RIPOR2: variants seen among roughly 807,000 people sequenced by gnomAD.
The protein encoded by RIPOR2 is rho family-interacting cell polarization regulator 2.
In RIPOR2, 39 loss-of-function variants were observed where a neutral mutation model predicts 114.5. That is an observed-to-expected ratio of 0.34 (90% CI 0.26 to 0.44). The LOEUF (loss-of-function observed/expected upper bound fraction) is 0.44. RIPOR2 is among the 20% of genes least tolerant of loss of function. RIPOR2 has a pLI of 1.00. For missense variants in RIPOR2, 1,007 were observed against 1,255.1 expected, an observed-to-expected ratio of 0.80 and a Z score of 2.99; for synonymous variants, 445 against 484.4, an observed-to-expected ratio of 0.92 and a Z score of 1.07.
chr6:24,979,625 C>T (rs1774214322), intron 1 of RIPOR2, among the ~76,000 whole-genome samples: 1 of 152,138 alleles, frequency 6.6e-6, no homozygotes, highest in Non-Finnish European at 1.5e-5. Context: ...GAAGGAAAGG[C>T]CAGCTCTCAC....
intron 8 of RIPOR2, among the ~76,000 whole-genome samples, chr6:24,857,154 C>T (rs558531688): frequency 1.3e-5 from 2 of 152,236 alleles, no homozygotes; most frequent in East Asian, 3.9e-4. Context: ...TGGTACTGGC[C>T]ACGGAATTAG....
At chr6:24,923,093 A>T (rs1165369238) in intron 1 of RIPOR2, among the ~76,000 whole-genome samples, 1 of 152,004 alleles carries the variant, frequency 6.6e-6, no homozygotes, top group Admixed American at 6.6e-5. Flanking sequence ...TATAAATTTG[A>T]TTACTCTTGG....
intron 19 of RIPOR2, among the ~76,000 whole-genome samples, chr6:24,821,487 T>C (rs2113651256): frequency 6.6e-6 from 1 of 152,346 alleles, no homozygotes; most frequent in South Asian, 2.1e-4. Flanking sequence ...CCCAGCTCTG[T>C]GGCTTAACAC....
chr6:24,937,144 T>C (rs547435257), upstream of RIPOR2, among the ~76,000 whole-genome samples: 3 of 152,322 alleles, frequency 2.0e-5, no homozygotes, highest in South Asian at 6.2e-4. Flanking sequence ...CATCCCTGCA[T>C]TGGTGGCTGC....
intron 1 of RIPOR2, among the ~76,000 whole-genome samples, chr6:24,912,467 CTTT>C (rs67861863): frequency 1.1e-4 from 12 of 110,268 alleles, no homozygotes; most frequent in African/African-American, 3.9e-4. Flanking sequence ...TGCCCCCCCC[CTTT>C]TTTTTTTGCC....
chr6:24,833,968 C>A (rs955689367), intron 15 of RIPOR2, among the ~76,000 whole-genome samples: 2 of 152,012 alleles, frequency 1.3e-5, no homozygotes, highest in African/African-American at 4.8e-5. Context: ...AAAAGAGAAA[C>A]AAGTGGTTTG....
rs993692422 is a variant in RIPOR2 at position 25,023,854 on chromosome 6, G to T, written c.76+17997C>A. On this transcript the variant is annotated intron_variant, in intron 1 of 13. Coordinates refer to the RIPOR2 transcript ENST00000510784. ...GTCAGGGGTGTTGGGGGCTTTGACC[G>T]GTTCCTAGGTCTTCGTGTAGAGACC... 29 of 730,448 alleles carry T rather than the reference G, an allele frequency of 4.0e-5. No homozygotes were observed. In the Admixed American group the frequency reaches 4.3e-4, roughly 11 times the overall value. The allele number at this position is 730,448 out of a possible 1,614,324, so 45.2% of individuals were successfully genotyped here. A position where few individuals can be genotyped will look rare whatever the true frequency, so the allele number is the denominator to read the frequency against.
intron 17 of RIPOR2, among the ~76,000 whole-genome samples, chr6:24,828,624 C>G (rs376562548): frequency 6.6e-6 from 1 of 152,106 alleles, no homozygotes; most frequent in Admixed American, 6.6e-5. Context: ...ATATGGAAGA[C>G]GGCCTGCATT....
intron 17 of RIPOR2, among the ~76,000 whole-genome samples, 172 bp downstream of exon 17, chr6:24,830,337 T>C (rs1184544312): frequency 1.3e-5 from 2 of 152,198 alleles, no homozygotes; most frequent in Non-Finnish European, 2.9e-5. Context: ...TTTTCTTAAA[T>C]CTGAGTAGAT....
At chr6:24,817,665 T>C (rs1490030673) in intron 20 of RIPOR2, among the ~76,000 whole-genome samples, 1 of 14,602 alleles carries the variant, frequency 6.8e-5, no homozygotes, top group African/African-American at 8.7e-5. Context: ...CTGGGAGCTG[T>C]AGACCGGAGC....
chr6:24,949,499 A>G (rs1025325869), intron 1 of RIPOR2, among the ~76,000 whole-genome samples: 8 of 152,070 alleles, frequency 5.3e-5, no homozygotes, highest in Admixed American at 2.6e-4. Context: ...GCTTTTCAGG[A>G]CATCTTTAGG....
At chr6:24,992,899 C>T (rs10946739) in intron 1 of RIPOR2, among the ~76,000 whole-genome samples, 43,191 of 152,038 alleles carry the variant, frequency 0.28, 7,539 homozygotes, top group Non-Finnish European at 0.39. Context: ...TTTAAAACAA[C>T]GACAGCAATT....
intron 11 of RIPOR2, 49 bp from the exon 12 acceptor site, chr6:24,848,203 T>A: frequency 6.3e-7 from 1 of 1,598,546 alleles, no homozygotes; most frequent in Non-Finnish European, 8.5e-7. Flanking sequence ...AAATCACCTA[T>A]CATCAACAGA....
At chr6:24,830,165 C>T (rs1402694302) in intron 17 of RIPOR2, among the ~76,000 whole-genome samples, 1 of 152,094 alleles carries the variant, frequency 6.6e-6, no homozygotes, top group Non-Finnish European at 1.5e-5. Context: ...GGAGTTTTGT[C>T]ATGTTGGCCA....
At chr6:24,940,574 A>G (rs1327170753), upstream of RIPOR2, among the ~76,000 whole-genome samples, 1 of 152,194 alleles carries the variant, frequency 6.6e-6, no homozygotes, top group East Asian at 1.9e-4. Context: ...TTTGCCAGTA[A>G]AGATGCACCT....
rs1194146605 is a variant in RIPOR2 at position 24,805,679 on chromosome 6, A to C, written c.*694T>G. 1.3e-5 allele frequency: 2 copies of C among 152,200 alleles called. No individual in the cohort carries two copies. Among genetic ancestry groups the C allele is most frequent in the African/African-American group, 4.8e-5 (2 of 41,442 alleles). 9.4% of individuals were successfully genotyped at this position (152,200 alleles called of 1,614,324 possible). A position where few individuals can be genotyped will look rare whatever the true frequency, so the allele number is the denominator to read the frequency against. On this transcript the variant is annotated 3_prime_UTR_variant, in exon 22 of 22. Coordinates refer to ENST00000643898, the MANE Select transcript of RIPOR2 (RefSeq NM_001286445.3). ...TCAACCCTGAGAACACGACCGAGAAAAACTGCAAGGCATATGATGTTTGTC... is the reference window on the plus strand; with the variant it reads ...TCAACCCTGAGAACACGACCGAGAACAACTGCAAGGCATATGATGTTTGTC...
At chr6:24,827,449 A>G (rs1400468880) in intron 18 of RIPOR2, among the ~76,000 whole-genome samples, 1 of 152,222 alleles carries the variant, frequency 6.6e-6, no homozygotes, top group Non-Finnish European at 1.5e-5. Context: ...TCCAAAGAAC[A>G]CACCTCATTC....
At chr6:24,962,792 G>A (rs1483778715) in intron 1 of RIPOR2, among the ~76,000 whole-genome samples, 1 of 152,128 alleles carries the variant, frequency 6.6e-6, no homozygotes, top group Admixed American at 6.5e-5. Context: ...TCTCTTTGAA[G>A]AATGGCATAC....
At chr6:24,968,609 G>T (rs1382373321) in intron 1 of RIPOR2, among the ~76,000 whole-genome samples, 1 of 152,166 alleles carries the variant, frequency 6.6e-6, no homozygotes, top group African/African-American at 2.4e-5. Context: ...GGTTGCCACT[G>T]GCATCTAATA....
Sources: gnomAD v4.1 joint callset for allele counts (sites outside exome capture counted in the v4.1 genomes callset) on GRCh38, gnomAD v4.1.1 for gene constraint, MANE v1.5 for transcripts, NCBI Gene and HGNC (gene_info 2026-07-23, HGNC 2026-07-21) for gene names.